Variants in NKAIN1 observed in about 807,000 individuals in gnomAD.
The protein encoded by NKAIN1 is sodium/potassium-transporting ATPase subunit beta-1-interacting protein 1.
Under a neutral mutation model 31.6 loss-of-function variants are expected in NKAIN1, and 13 were observed. The ratio of observed to expected loss-of-function variants is 0.41; its 90% CI spans 0.27 to 0.65. NKAIN1 has a LOEUF of 0.65. NKAIN1 is among the 30% of genes least tolerant of loss of function. NKAIN1 has a pLI of 0.30. For missense variants in NKAIN1, 193 were observed against 262.2 expected, an observed-to-expected ratio of 0.74 and a Z score of 1.82; for synonymous variants, 104 against 109.0, an observed-to-expected ratio of 0.95 and a Z score of 0.28.
intron 1 of NKAIN1, among the ~76,000 whole-genome samples, chr1:31,211,266 A>C (rs1645466744): frequency 6.6e-6 from 1 of 152,216 alleles, no homozygotes; most frequent in South Asian, 2.1e-4. Context: ...AAACTAAAGA[A>C]TCCCCAAAAA....
intron 1 of NKAIN1, among the ~76,000 whole-genome samples, chr1:31,192,590 G>A (rs960234462): frequency 2.0e-5 from 3 of 150,790 alleles, no homozygotes; most frequent in Non-Finnish European, 3.0e-5. Flanking sequence ...TCGCTCTGTC[G>A]CCCAGGCTGG....
intron 1 of NKAIN1, among the ~76,000 whole-genome samples, chr1:31,189,012 CA>C (rs1262629714): frequency 7.4e-6 from 1 of 134,786 alleles, no homozygotes; most frequent in East Asian, 2.5e-4. Flanking sequence ...GACCCCGTCT[CA>C]AAAAAAAGAA....
At chr1:31,196,138 G>A (rs1230594004) in intron 1 of NKAIN1, among the ~76,000 whole-genome samples, 3 of 151,670 alleles carry the variant, frequency 2.0e-5, no homozygotes, top group African/African-American at 7.3e-5. Context: ...CAGCACTTTG[G>A]GAGACCGAGG....
chr1:31,186,928 A>G (rs1645248676), intron 2 of NKAIN1, among the ~76,000 whole-genome samples: 1 of 152,184 alleles, frequency 6.6e-6, no homozygotes, highest in Non-Finnish European at 1.5e-5. Flanking sequence ...CACCCACGGT[A>G]GTGAGCTGGA....
intron 5 of NKAIN1, 44 bp downstream of exon 5, chr1:31,182,486 G>T: frequency 6.2e-7 from 1 of 1,607,890 alleles, no homozygotes; most frequent in Non-Finnish European, 8.5e-7. Context: ...GGTGCTGAAG[G>T]CGCAGGGCCA....
At chr1:31,185,124 G>T (rs527290220) in intron 3 of NKAIN1, 123 bp downstream of exon 3, 34 of 721,996 alleles carry the variant, frequency 4.7e-5, no homozygotes, top group African/African-American at 1.4e-4. Flanking sequence ...GATTATTTGG[G>T]CATGTAAGGA....
At chr1:31,216,635 G>A (rs1645514691) in intron 1 of NKAIN1, among the ~76,000 whole-genome samples, 1 of 152,096 alleles carries the variant, frequency 6.6e-6, no homozygotes. Flanking sequence ...TCCAGAGGAG[G>A]GGCGAGGCCA....
Position 31,188,145 on chromosome 1 carries a change from G to C in NKAIN1, c.97C>G (p.Gln33Glu). 1 of 1,551,838 alleles carries C rather than the reference G, an allele frequency of 6.4e-7. No individual in the cohort carries two copies. ...ERQIFDFLGY[Q>E]WAPILANFLH... ...AAGTTGGCTAGGATGGGAGCCCACT[G>C]GTAGCCCAGGAAGTCAAAGATCTGC... Residue 33 changes from glutamine (Q) to glutamate (E), a missense_variant, in exon 2 of 7, where the codon CAG becomes GAG. Physicochemically the swap from Gln to Glu is conservative, Grantham distance 29. Transcript: ENST00000373736.
chr1:31,199,170 C>T (rs1476673981), intron 1 of NKAIN1, among the ~76,000 whole-genome samples: 1 of 152,202 alleles, frequency 6.6e-6, no homozygotes, highest in Non-Finnish European at 1.5e-5. Context: ...GTCTCTCTCA[C>T]TGACTTCAGT....
At chr1:31,225,724 C>CA (rs11412251) in intron 1 of NKAIN1, among the ~76,000 whole-genome samples, 48,146 of 152,064 alleles carry the variant, frequency 0.32, 9,660 homozygotes, top group African/African-American at 0.57. Flanking sequence ...TTAAGATGTC[C>CA]GGGGGGACTC....
intron 1 of NKAIN1, among the ~76,000 whole-genome samples, chr1:31,189,693 G>A (rs1645271324): frequency 1.3e-5 from 2 of 152,202 alleles, no homozygotes; most frequent in African/African-American, 4.8e-5. Flanking sequence ...TCTAGTTTCT[G>A]GGGTGGGCAG....
chr1:31,200,021 A>G (rs1645365118), intron 1 of NKAIN1, among the ~76,000 whole-genome samples: 1 of 89,266 alleles, frequency 1.1e-5, no homozygotes, highest in Non-Finnish European at 2.8e-5. Context: ...ATGCACACAC[A>G]CACGCACACA....
intron 1 of NKAIN1, among the ~76,000 whole-genome samples, chr1:31,215,136 A>G (rs867651817): frequency 6.6e-6 from 1 of 152,224 alleles, no homozygotes; most frequent in South Asian, 2.1e-4. Flanking sequence ...TGATTCTCCC[A>G]GGAAGGAAAT....
intron 1 of NKAIN1, among the ~76,000 whole-genome samples, chr1:31,223,453 G>T (rs1446683049): frequency 6.7e-6 from 1 of 150,110 alleles, no homozygotes; most frequent in Non-Finnish European, 1.5e-5. Flanking sequence ...GTTTTGTTTT[G>T]TTTTTGAGAC....
intron 2 of NKAIN1, among the ~76,000 whole-genome samples, chr1:31,185,857 G>A (rs923802989): frequency 7.9e-5 from 12 of 152,102 alleles, no homozygotes; most frequent in Admixed American, 3.9e-4. Flanking sequence ...GCCACTAGAG[G>A]GCGAGGACTC....
rs1645668572 is a variant in NKAIN1 at position 31,233,241 on chromosome 1, C to A, written c.54+6253G>T. Among the ~76,000 whole-genome samples the A allele has an allele frequency of 6.6e-6, 1 of 152,188 alleles. No homozygotes were observed. The highest frequency in any genetic ancestry group is 1.9e-4 in the East Asian group (1 of 5,194). On this transcript the variant is annotated intron_variant, in intron 1 of 6. Coordinates refer to ENST00000373736, the MANE Select transcript of NKAIN1 (RefSeq NM_024522.3). The surrounding 1 kb of genome is among the most constrained non-coding windows in gnomAD (Gnocchi z 4.0). ...CTGGGATTACAGGTGTGAGCTACCG[C>A]ACCCAGCCGTGCATCACAGCTCTTT...
At chr1:31,213,337 A>G (rs1263293860) in intron 1 of NKAIN1, among the ~76,000 whole-genome samples, 1 of 152,190 alleles carries the variant, frequency 6.6e-6, no homozygotes, top group African/African-American at 2.4e-5. Flanking sequence ...ACAAAAAAAT[A>G]TGCTCAAAAT....
chr1:31,179,762 T>A lies in NKAIN1; in HGVS notation c.*1941A>T, dbSNP rs911064887. On this transcript the variant is annotated 3_prime_UTR_variant, in exon 7 of 7. Transcript: ENST00000373736. ...CAGGAAGATAGAGAAGAAAACACCA[T>A]CTTTAATCAACCCGCCTGCACAGAA... 4 of 152,180 alleles carry A rather than the reference T, an allele frequency of 2.6e-5. No individual in the cohort carries two copies. The highest frequency in any genetic ancestry group is 2.6e-4 in the Admixed American group (4 of 15,270). The allele number at this position is 152,180 out of a possible 1,614,324, so 9.4% of individuals were successfully genotyped here.
chr1:31,217,687 C>T (rs1350740239), intron 1 of NKAIN1, among the ~76,000 whole-genome samples: 1 of 152,226 alleles, frequency 6.6e-6, no homozygotes, highest in Non-Finnish European at 1.5e-5. Context: ...AGTCTCCATC[C>T]CTCCTGGAAG....
Sources: gnomAD v4.1 joint callset for allele counts (sites outside exome capture counted in the v4.1 genomes callset) on GRCh38, gnomAD v4.1.1 for gene constraint, Gnocchi (gnomAD v3.1) non-coding constraint, MANE v1.5 for transcripts, NCBI Gene and HGNC (gene_info 2026-07-23, HGNC 2026-07-21) for gene names.